Variants in KLHL32 observed in about 807,000 individuals in gnomAD.
KLHL32 encodes the protein kelch like family member 32, also known as kelch-like protein 32.
A neutral mutation model predicts 64.8 loss-of-function variants in KLHL32; 35 were observed. The ratio of observed to expected loss-of-function variants is 0.54; its 90% CI spans 0.41 to 0.72. KLHL32 has a LOEUF of 0.72. Ranked by LOEUF, KLHL32 falls within the 30% of genes least tolerant of loss-of-function variation. KLHL32 has a pLI of 0.00. For synonymous variants in KLHL32, 259 were observed against 281.0 expected (o/e 0.92, Z 0.78); for missense variants, 589 against 768.5 (o/e 0.77, Z 2.76).
Position 97,138,147 on chromosome 6 carries a change from G to A in KLHL32, c.1702-974G>A, listed in dbSNP as rs558224264. Among the ~76,000 whole-genome samples the A allele has an allele frequency of 5.9e-5, 9 of 152,342 alleles. No individual in the cohort carries two copies. The South Asian group carries it at 1.9e-3, about 32-fold the overall frequency. The stretch of plus-strand genomic sequence containing the variant: ...GCCTAATAGGTTTGACAAATGGGGC[G>A]AGAGCAGCTCTCCTGAAGAAAGAAT... On this transcript the variant is annotated intron_variant, in intron 10 of 10. Transcript: ENST00000369261.
intron 3 of KLHL32, among the ~76,000 whole-genome samples, chr6:97,041,068 A>G (rs1785042630): frequency 6.6e-6 from 1 of 152,228 alleles, no homozygotes; most frequent in Admixed American, 6.5e-5. Context: ...GATGAGAGGA[A>G]CTAGCTGTTT....
At chr6:96,960,027 A>T (rs967575612) in intron 1 of KLHL32, among the ~76,000 whole-genome samples, 8 of 152,050 alleles carry the variant, frequency 5.3e-5, no homozygotes, top group African/African-American at 1.9e-4. Context: ...TTCACTATTT[A>T]TTACTTGTGT....
chr6:97,127,541 C>A, intron 8 of KLHL32, 79 bp downstream of exon 8: 1 of 1,136,374 alleles, frequency 8.8e-7, no homozygotes, highest in East Asian at 2.4e-5. Flanking sequence ...AATTGGAATG[C>A]CAAGTGTACA....
chr6:97,047,642 A>G (rs556807903), intron 4 of KLHL32, among the ~76,000 whole-genome samples: 1 of 152,200 alleles, frequency 6.6e-6, no homozygotes, highest in Non-Finnish European at 1.5e-5. Flanking sequence ...GTTTCAGACC[A>G]GTCCTGAGTA....
At chr6:96,966,781 C>T (rs563859946) in intron 1 of KLHL32, among the ~76,000 whole-genome samples, 5 of 152,098 alleles carry the variant, frequency 3.3e-5, no homozygotes, top group Non-Finnish European at 7.4e-5. Flanking sequence ...ATTTTACTTC[C>T]TAGTCCTTGA....
chr6:97,009,264 C>T (rs923773828), intron 3 of KLHL32, among the ~76,000 whole-genome samples: 4 of 151,532 alleles, frequency 2.6e-5, no homozygotes, highest in East Asian at 1.9e-4. Flanking sequence ...TGTTAAGAAA[C>T]AGTATTTTTA....
intron 1 of KLHL32, among the ~76,000 whole-genome samples, chr6:96,927,643 T>C (rs182360383): frequency 1.8e-4 from 27 of 152,324 alleles, no homozygotes; most frequent in Admixed American, 1.7e-3. Context: ...CCAAAAGATT[T>C]GAACAGCGAC....
chr6:97,076,926 A>G (rs1791692365), intron 5 of KLHL32, among the ~76,000 whole-genome samples: 1 of 152,106 alleles, frequency 6.6e-6, no homozygotes, highest in Non-Finnish European at 1.5e-5. Context: ...TTTTTGCCAT[A>G]AACTAAGAAA....
Position 97,140,576 on chromosome 6 carries a change from T to C in KLHL32, c.*1294T>C, listed in dbSNP as rs1282335994. The C allele has an allele frequency of 6.6e-6, 1 of 152,038 alleles. No individual in the cohort carries two copies. The highest frequency in any genetic ancestry group is 1.5e-5 in the Non-Finnish European group (1 of 67,882). The allele number at this position is 152,038 out of a possible 1,614,324, so 9.4% of individuals were successfully genotyped here. On this transcript the variant is annotated 3_prime_UTR_variant, in exon 11 of 11. Coordinates refer to ENST00000369261, the MANE Select transcript of KLHL32 (RefSeq NM_052904.4). ...AAATTTAACAAGTATAATGTGAGTT[T>C]TTCTTTTTTCCTAACTTCCTCAGGA...
chr6:97,006,945 T>C (rs539407984), intron 3 of KLHL32, among the ~76,000 whole-genome samples: 1 of 152,276 alleles, frequency 6.6e-6, no homozygotes, highest in South Asian at 2.1e-4. Context: ...ATCTACCTTA[T>C]GGAATCTGAG....
chr6:97,136,612 T>G (rs73758120), intron 10 of KLHL32, among the ~76,000 whole-genome samples: 3,275 of 152,318 alleles, frequency 0.022, 122 homozygotes, highest in African/African-American at 0.075. Flanking sequence ...TGCGTAAGTG[T>G]GCAAGTGATT....
chr6:97,037,252 C>CA (rs1194744445), intron 3 of KLHL32, among the ~76,000 whole-genome samples: 1 of 151,794 alleles, frequency 6.6e-6, no homozygotes, highest in Non-Finnish European at 1.5e-5. Flanking sequence ...ATTAAGCTCT[C>CA]AAAAATAATC....
intron 6 of KLHL32, among the ~76,000 whole-genome samples, chr6:97,102,005 C>T (rs1583030650): frequency 6.6e-6 from 1 of 152,142 alleles, no homozygotes; most frequent in South Asian, 2.1e-4. Flanking sequence ...ATCAGTTTAC[C>T]AGGCACCTTC....
chr6:97,007,900 G>A (rs181194491), intron 3 of KLHL32, among the ~76,000 whole-genome samples: 14 of 152,206 alleles, frequency 9.2e-5, no homozygotes, highest in African/African-American at 2.4e-4. Flanking sequence ...ACAACACCCC[G>A]ATGAGGGCTG....
At chr6:97,076,776 G>T (rs1386528010) in intron 5 of KLHL32, among the ~76,000 whole-genome samples, 1 of 151,996 alleles carries the variant, frequency 6.6e-6, no homozygotes, top group African/African-American at 2.4e-5. Context: ...ATCTTTTTAG[G>T]TTGCCATATT....
chr6:97,060,219 C>T (rs1422871518), intron 4 of KLHL32, among the ~76,000 whole-genome samples: 2 of 152,050 alleles, frequency 1.3e-5, no homozygotes, highest in African/African-American at 4.8e-5. Flanking sequence ...TGCCAACTCA[C>T]TTGATCACAG....
At chr6:97,002,442 ACT>A (rs912422706) in intron 3 of KLHL32, among the ~76,000 whole-genome samples, 49 of 152,218 alleles carry the variant, frequency 3.2e-4, no homozygotes, top group African/African-American at 1.2e-3. Flanking sequence ...TATTTTTCAA[ACT>A]CTATGAAGAA....
chr6:97,049,758 C>A (rs186042806), intron 4 of KLHL32, among the ~76,000 whole-genome samples: 67 of 152,196 alleles, frequency 4.4e-4, no homozygotes, highest in Non-Finnish European at 6.8e-4. Context: ...TTTTTTAGAT[C>A]TTTTGAAACT....
chr6:97,041,701 C>A, intron 4 of KLHL32, 102 bp downstream of exon 4: 1 of 636,786 alleles, frequency 1.6e-6, no homozygotes, highest in South Asian at 2.4e-5. Flanking sequence ...TCTTGTTACT[C>A]ATTTTGATGT....
Sources: allele counts gnomAD v4.1 joint callset (sites outside exome capture counted in the v4.1 genomes callset), GRCh38; gene constraint gnomAD v4.1.1; transcripts MANE v1.5; gene names NCBI Gene and HGNC (gene_info 2026-07-23, HGNC 2026-07-21).